UBQLN4: variants seen among roughly 807,000 people sequenced by gnomAD.
UBQLN4 encodes ubiquilin-4.
In UBQLN4, 11 loss-of-function variants were observed where a neutral mutation model predicts 60.4. The ratio of observed to expected loss-of-function variants is 0.18; its 90% CI spans 0.11 to 0.30. UBQLN4 has a LOEUF of 0.30. Among genes scored for constraint, UBQLN4 ranks in the 10% least tolerant of loss-of-function variants. The pLI is 1.00. For missense variants in UBQLN4, 417 were observed against 795.5 expected (o/e 0.52, Z 5.72); for synonymous variants, 258 against 313.1 (o/e 0.82, Z 1.86).
chr1:156,043,868 A>G, intron 6 of UBQLN4, 130 bp downstream of exon 6: 1 of 1,014,172 alleles, frequency 9.9e-7, no homozygotes, highest in Non-Finnish European at 1.5e-6. Context: ...CAGACGGCAG[A>G]GCCCCCTCTG....
intron 5 of UBQLN4, among the ~76,000 whole-genome samples, chr1:156,047,372 T>C (rs1209642879): frequency 1.3e-5 from 2 of 150,864 alleles, no homozygotes; most frequent in Non-Finnish European, 2.9e-5. Flanking sequence ...GCCTCCCAAA[T>C]AGCTGGGACT....
chr1:156,042,274 T>C (rs1270592325), intron 7 of UBQLN4, 38 bp from the exon 8 acceptor site: 38 of 1,539,012 alleles, frequency 2.5e-5, no homozygotes, highest in Non-Finnish European at 3.2e-5. Context: ...ACCTGGGCCT[T>C]TTCACCCTAA....
At chr1:156,033,869 A>C (rs1169600235), downstream of UBQLN4, among the ~76,000 whole-genome samples, 1 of 151,704 alleles carries the variant, frequency 6.6e-6, no homozygotes, top group East Asian at 1.9e-4. Flanking sequence ...AAAAAAAAAA[A>C]ACAAAAACAA....
chr1:156,043,321 G>A (rs1683616680), intron 6 of UBQLN4, among the ~76,000 whole-genome samples: 1 of 152,192 alleles, frequency 6.6e-6, no homozygotes, highest in Non-Finnish European at 1.5e-5. Context: ...TGGTCTGGCT[G>A]GAGCTGGGGC....
At chr1:156,038,128 C>A (rs1323939294) in intron 10 of UBQLN4, among the ~76,000 whole-genome samples, 5 of 152,196 alleles carry the variant, frequency 3.3e-5, no homozygotes, top group Non-Finnish European at 5.9e-5. Context: ...ATAATCCCAG[C>A]ACTTTGGGAG....
intron 3 of UBQLN4, 77 bp downstream of exon 3, chr1:156,051,033 C>A: frequency 1.4e-6 from 2 of 1,417,574 alleles, no homozygotes; most frequent in South Asian, 2.5e-5. Context: ...AGCAGGAACT[C>A]CTGTTTCTCC....
chr1:156,034,201 A>G (rs12128541), downstream of UBQLN4, among the ~76,000 whole-genome samples: 76,336 of 151,460 alleles, frequency 0.5, 21,013 homozygotes, highest in Non-Finnish European at 0.62. Flanking sequence ...TCAAACTTAC[A>G]TGATTAGTGG....
intron 6 of UBQLN4, 92 bp from the exon 7 acceptor site, chr1:156,043,005 A>G: frequency 2.0e-6 from 3 of 1,483,902 alleles, no homozygotes; most frequent in Non-Finnish European, 2.7e-6. Context: ...TCAGACACCG[A>G]ATGACTACAA....
At chr1:156,044,698 A>G (rs777861356) in intron 5 of UBQLN4, among the ~76,000 whole-genome samples, 9 of 150,788 alleles carry the variant, frequency 6.0e-5, no homozygotes, top group Non-Finnish European at 8.9e-5. Flanking sequence ...CTCTACTTGA[A>G]CCCCGATCTT....
chr1:156,053,759 G>T lies in UBQLN4; in HGVS notation c.-58C>A. The T allele has an allele frequency of 3.7e-6, 4 of 1,077,226 alleles. No individual in the cohort carries two copies. The highest frequency in any genetic ancestry group is 4.7e-6 in the Non-Finnish European group (4 of 850,496). 66.7% of individuals were successfully genotyped at this position (1,077,226 alleles called of 1,614,324 possible). A position where few individuals can be genotyped will look rare whatever the true frequency, so the allele number is the denominator to read the frequency against. On this transcript the variant is annotated 5_prime_UTR_variant, in exon 1 of 11. Coordinates refer to ENST00000368309, the MANE Select transcript of UBQLN4 (RefSeq NM_020131.5). ...GCCCGGCTCCTCCTCCTCCCCGCCC[G>T]CCCGGCCGGCCCGGCTCGGCTTCTG...
intron 10 of UBQLN4, among the ~76,000 whole-genome samples, chr1:156,040,461 T>G: frequency 9.8e-6 from 1 of 101,772 alleles, no homozygotes; most frequent in African/African-American, 3.4e-5. Context: ...TTTTTTTTTT[T>G]TTGAGATGGA....
rs756613199 is a variant in UBQLN4, at chr1:156,042,759, A to G, written c.1266+15T>C. 15 of 1,612,984 alleles carry G rather than the reference A, an allele frequency of 9.3e-6. No homozygotes were observed. Among genetic ancestry groups the G allele is most frequent in the Non-Finnish European group, 1.2e-5 (14 of 1,179,718 alleles). On this transcript the variant is annotated intron_variant, in intron 7 of 10. Transcript: ENST00000368309. ...CTCTCTCCCCAACAATACTCTCCTC[A>G]TGCTGGTTTCATACCTGAGCAGCAA...
intron 5 of UBQLN4, among the ~76,000 whole-genome samples, chr1:156,045,231 C>T (rs993207177): frequency 7.9e-5 from 12 of 152,128 alleles, no homozygotes; most frequent in Non-Finnish European, 1.3e-4. Flanking sequence ...TCATGGGGAC[C>T]GGGGCTAACC....
downstream of UBQLN4, among the ~76,000 whole-genome samples, chr1:156,034,350 G>C (rs1056550894): frequency 1.4e-5 from 2 of 145,566 alleles, no homozygotes; most frequent in Non-Finnish European, 3.0e-5. Flanking sequence ...CCAGGCTAGA[G>C]TGCGTGGCAC....
rs1345888225 is a variant in UBQLN4 at position 156,035,684 on chromosome 1, G to GGGT, written c.*1291_*1293dup. 1.0e-6 allele frequency: 1 copy of GGGT among 984,172 alleles called. No homozygotes were observed. Among genetic ancestry groups the GGGT allele is most frequent in the African/African-American group, 1.7e-5 (1 of 57,208 alleles). The allele number at this position is 984,172 out of a possible 1,614,324, so 61.0% of individuals were successfully genotyped here. On this transcript the variant is annotated 3_prime_UTR_variant, in exon 11 of 11. Transcript: ENST00000368309. ...TCTACTATTCCCACAAGGCAGTGAG[G>GGGT]GGTGATAAGGGTGCTAGTCACAGCC...
At chr1:156,033,900 A>G (rs1683338290), downstream of UBQLN4, among the ~76,000 whole-genome samples, 1 of 151,734 alleles carries the variant, frequency 6.6e-6, no homozygotes, top group Non-Finnish European at 1.5e-5. Context: ...ACCACAGCTC[A>G]GCCTCTCAGC....
At chr1:156,045,241 C>G (rs908819244) in intron 5 of UBQLN4, among the ~76,000 whole-genome samples, 1 of 152,156 alleles carries the variant, frequency 6.6e-6, no homozygotes, top group Non-Finnish European at 1.5e-5. Context: ...CGGGGCTAAC[C>G]AAGGATTCTC....
downstream of UBQLN4, among the ~76,000 whole-genome samples, chr1:156,032,030 G>C (rs1683306967): frequency 1.2e-5 from 1 of 83,658 alleles, no homozygotes; most frequent in African/African-American, 6.0e-5. Context: ...TTCTAGAGCA[G>C]ATAAATTAAT....
rs559975893 is a variant in UBQLN4 at position 156,040,315 on chromosome 1, G to C, written c.1653+1170C>G. 1.8e-3 allele frequency among the ~76,000 whole-genome samples: 275 copies of C among 151,618 alleles called. 1 individual carries two copies. The highest frequency in any genetic ancestry group is 3.2e-3 in the Non-Finnish European group (219 of 67,914). On this transcript the variant is annotated intron_variant, in intron 10 of 10. Coordinates refer to ENST00000368309, the MANE Select transcript of UBQLN4 (RefSeq NM_020131.5). ...GGAGGTTGAGGCAGGAGAATGGCTT[G>C]AACCTGGGAGGCAGAGGTTGCGCCA...
Sources: allele counts gnomAD v4.1 joint callset (sites outside exome capture counted in the v4.1 genomes callset), GRCh38; gene constraint gnomAD v4.1.1; transcripts MANE v1.5; gene names NCBI Gene and HGNC (gene_info 2026-07-23, HGNC 2026-07-21).